KIF5B: variants seen among roughly 807,000 people sequenced by gnomAD.
KIF5B encodes kinesin-1 heavy chain.
A neutral mutation model predicts 132.8 loss-of-function variants in KIF5B; 49 were observed. The observed-to-expected ratio is 0.37, with a 90% CI of 0.29 to 0.47. The LOEUF (loss-of-function observed/expected upper bound fraction) is 0.47, where lower values mean the gene tolerates loss of function less well. Among genes scored for constraint, KIF5B ranks in the 20% least tolerant of loss-of-function variants. The pLI, the probability that KIF5B is intolerant of heterozygous loss-of-function variation, is 1.00. For synonymous variants in KIF5B, 355 were observed against 369.4 expected (o/e 0.96, Z 0.45); for missense variants, 780 against 1,144.0 (o/e 0.68, Z 4.59).
chr10:32,020,575 C>G (rs1207256248), intron 19 of KIF5B, among the ~76,000 whole-genome samples: 1 of 152,104 alleles, frequency 6.6e-6, no homozygotes, highest in Non-Finnish European at 1.5e-5. Flanking sequence ...CATGTGCCAC[C>G]AAGCTCAGCT....
intron 11 of KIF5B, 32 bp from the exon 12 acceptor site, chr10:32,034,070 A>T: frequency 2.9e-6 from 4 of 1,368,174 alleles, no homozygotes; most frequent in Non-Finnish European, 4.0e-6. Context: ...GTTAATAAAA[A>T]AACGACGTCT....
chr10:32,040,189 C>T (rs1446836658), intron 3 of KIF5B, among the ~76,000 whole-genome samples, 195 bp downstream of exon 3: 1 of 152,128 alleles, frequency 6.6e-6, no homozygotes, highest in Non-Finnish European at 1.5e-5. Flanking sequence ...AATATAATCT[C>T]AAATACAGGT....
In KIF5B at chr10:32,039,269, T is replaced by G. The variant is rs3213703; in HGVS notation, c.393+58A>C. On this transcript the variant is annotated intron_variant, in intron 4 of 25. Coordinates refer to ENST00000302418, the MANE Select transcript of KIF5B (RefSeq NM_004521.3). ...ATTAAAGAAACCAGCATTTACTATTTTTTTAGAACATTATTCTTGCTGTAA... is the reference window on the plus strand; with the variant it reads ...ATTAAAGAAACCAGCATTTACTATTGTTTTAGAACATTATTCTTGCTGTAA... The G allele has an allele frequency of 3.2e-4, 213 of 674,254 alleles. 2 individuals carry two copies. The East Asian group carries it at 6.3e-3, about 20-fold the overall frequency. 41.8% of individuals were successfully genotyped at this position (674,254 alleles called of 1,614,324 possible).
intron 1 of KIF5B, among the ~76,000 whole-genome samples, chr10:32,055,573 G>T (rs1841745321): frequency 6.6e-6 from 1 of 151,972 alleles, no homozygotes; most frequent in South Asian, 2.1e-4. Context: ...TTGCTGCCCG[G>T]ACGTTCCTCC....
rs538339477 is a variant in KIF5B, at chr10:32,010,439, C to T, written c.*1098G>A. The T allele has an allele frequency of 1.3e-5, 2 of 152,210 alleles. No homozygotes were observed. Among genetic ancestry groups the T allele is most frequent in the African/African-American group, 4.8e-5 (2 of 41,538 alleles). 9.4% of individuals were successfully genotyped at this position (152,210 alleles called of 1,614,324 possible). The stretch of plus-strand genomic sequence containing the variant: ...TAGACTAAAGAAATAAATTAGTGTA[C>T]AAATTAGTGTAGCAGGTTAAAAACA... On this transcript the variant is annotated 3_prime_UTR_variant, in exon 26 of 26. Transcript: ENST00000302418.
At chr10:32,043,642 A>C (rs1564470097) in intron 2 of KIF5B, among the ~76,000 whole-genome samples, 1 of 152,224 alleles carries the variant, frequency 6.6e-6, no homozygotes, top group Non-Finnish European at 1.5e-5. Context: ...ACTTAACACA[A>C]GGGAAACAAA....
intron 2 of KIF5B, among the ~76,000 whole-genome samples, chr10:32,041,176 G>A: frequency 6.7e-6 from 1 of 148,870 alleles, no homozygotes; most frequent in Admixed American, 6.7e-5. Context: ...AAAATTATTT[G>A]TGGAAAGAGT....
At chr10:32,055,821 G>T in intron 1 of KIF5B, 27 bp downstream of exon 1, 1 of 1,608,950 alleles carries the variant, frequency 6.2e-7, no homozygotes. Flanking sequence ...AGAAGCGGGA[G>T]GAGGGATGCC....
At chr10:32,032,351 G>A (rs868463418) in intron 13 of KIF5B, among the ~76,000 whole-genome samples, 5 of 152,088 alleles carry the variant, frequency 3.3e-5, no homozygotes, top group Non-Finnish European at 7.3e-5. Flanking sequence ...CTTTCTTACC[G>A]AAGCAGTCTT....
chr10:32,054,323 C>A (rs1202148501), intron 1 of KIF5B, among the ~76,000 whole-genome samples: 1 of 152,194 alleles, frequency 6.6e-6, no homozygotes, highest in Admixed American at 6.5e-5. Context: ...TCCGCCTCTG[C>A]CGGGCTATGA....
At chr10:32,026,606 A>T (rs961731599) in intron 15 of KIF5B, among the ~76,000 whole-genome samples, 1 of 152,118 alleles carries the variant, frequency 6.6e-6, no homozygotes, top group Middle Eastern at 3.4e-3. Flanking sequence ...TATAGTGGAA[A>T]AAAAAATCTA....
chr10:32,026,437 C>CA lies in KIF5B; in HGVS notation c.1725+1990dup, dbSNP rs71027049. Reference sequence around the variant, plus strand: ...TGGGAGACACAGTGAGATTCCGTCTCAAAAAAAAAAAAAAAAAAAAAAAAG... The same window carrying CA: ...TGGGAGACACAGTGAGATTCCGTCTCAAAAAAAAAAAAAAAAAAAAAAAAAG... On this transcript the variant is annotated intron_variant, in intron 15 of 25. Coordinates refer to ENST00000302418, the MANE Select transcript of KIF5B (RefSeq NM_004521.3). Among the ~76,000 whole-genome samples, 325 of 48,754 alleles carry CA rather than the reference C, an allele frequency of 6.7e-3. 24 individuals carry two copies. Among genetic ancestry groups the CA allele is most frequent in the East Asian group, 0.021 (25 of 1,196 alleles). 32.0% of individuals were successfully genotyped at this position (48,754 alleles called of 152,430 possible).
In KIF5B at chr10:32,009,382, T is replaced by C. The variant is rs1432693076; in HGVS notation, c.*2155A>G. ...CACTGCAAATTGAAATGTGTCAATA[T>C]CCTAGATGATCAGAAATTTTCATTT... On this transcript the variant is annotated 3_prime_UTR_variant, in exon 26 of 26. Coordinates refer to ENST00000302418, the MANE Select transcript of KIF5B (RefSeq NM_004521.3). 6.6e-6 allele frequency: 1 copy of C among 152,222 alleles called. No individual in the cohort carries two copies. The highest frequency in any genetic ancestry group is 2.4e-5 in the African/African-American group (1 of 41,458). 9.4% of individuals were successfully genotyped at this position (152,222 alleles called of 1,614,324 possible).
intron 1 of KIF5B, among the ~76,000 whole-genome samples, chr10:32,055,323 GC>G (rs1341605640): frequency 6.6e-6 from 1 of 152,100 alleles, no homozygotes; most frequent in Non-Finnish European, 1.5e-5. Context: ...TCTTTTTGGT[GC>G]TTTTTCCTTC....
chr10:32,014,884 A>T (rs1841137332), intron 25 of KIF5B, among the ~76,000 whole-genome samples: 1 of 152,206 alleles, frequency 6.6e-6, no homozygotes, highest in African/African-American at 2.4e-5. Context: ...GCACTTTGGG[A>T]GGCCGAGGCG....
chr10:32,037,658 C>G, intron 6 of KIF5B, 51 bp from the exon 7 acceptor site: 1 of 1,373,132 alleles, frequency 7.3e-7, no homozygotes, highest in Non-Finnish European at 1.0e-6. Context: ...CATGATGAAA[C>G]CCTTTCTCTA....
chr10:32,023,948 T>G (rs1383822077), intron 15 of KIF5B, among the ~76,000 whole-genome samples: 1 of 151,366 alleles, frequency 6.6e-6, no homozygotes, highest in Non-Finnish European at 1.5e-5. Flanking sequence ...TGGTGACAAG[T>G]TTTTAAATAC....
At chr10:32,015,296 A>G (rs760729085) in intron 25 of KIF5B, among the ~76,000 whole-genome samples, 12 of 152,182 alleles carry the variant, frequency 7.9e-5, no homozygotes, top group Non-Finnish European at 4.4e-5. Context: ...GCTATTACAA[A>G]TGGTCCAATG....
Position 32,017,937 on chromosome 10 carries a change from T to A in KIF5B, c.2544+115A>T, listed in dbSNP as rs547424996. The stretch of plus-strand genomic sequence containing the variant: ...TTTCTTTATATAATTTCTGATAAAA[T>A]GGCTCAGGGTATAAAAATTCCTGAG... On this transcript the variant is annotated intron_variant, in intron 23 of 25. Transcript: ENST00000302418. 104 of 517,400 alleles carry A rather than the reference T, an allele frequency of 2.0e-4. 1 individual carries two copies. The highest frequency in any genetic ancestry group is 1.8e-5 in the Non-Finnish European group (5 of 283,996). 32.1% of individuals were successfully genotyped at this position (517,400 alleles called of 1,614,324 possible).
Sources: allele counts gnomAD v4.1 joint callset (sites outside exome capture counted in the v4.1 genomes callset), GRCh38; gene constraint gnomAD v4.1.1; transcripts MANE v1.5; gene names NCBI Gene and HGNC (gene_info 2026-07-23, HGNC 2026-07-21).